UBE2D3: variants seen among roughly 807,000 people sequenced by gnomAD.
UBE2D3 encodes the protein ubiquitin conjugating enzyme E2 D3.
A neutral mutation model predicts 22.8 loss-of-function variants in UBE2D3; 2 were observed. The ratio of observed to expected loss-of-function variants is 0.09; its 90% CI spans 0.04 to 0.28. The LOEUF (loss-of-function observed/expected upper bound fraction) is 0.28, where lower values mean the gene tolerates loss of function less well. Among genes scored for constraint, UBE2D3 ranks in the 10% least tolerant of loss-of-function variants. The probability of loss-of-function intolerance (pLI) is 1.00; values close to 1 mark genes in which losing one functional copy is unlikely to be tolerated. For missense variants in UBE2D3, 27 were observed against 182.5 expected (o/e 0.15, Z 4.91); for synonymous variants, 56 against 60.4 (o/e 0.93, Z 0.34).
chr4:102,824,642 TG>T (rs1280408792), intron 2 of UBE2D3, among the ~76,000 whole-genome samples: 1 of 152,184 alleles, frequency 6.6e-6, no homozygotes, highest in African/African-American at 2.4e-5. Context: ...ATCATTTAAG[TG>T]GTGTCACAGC....
At chr4:102,830,889 A>G (rs552898162), upstream of UBE2D3, among the ~76,000 whole-genome samples, 2 of 152,310 alleles carry the variant, frequency 1.3e-5, no homozygotes, top group African/African-American at 4.8e-5. Context: ...TAAATGGGCA[A>G]TTAATCTACC....
chr4:102,828,519 T>C (rs998625536), upstream of UBE2D3, among the ~76,000 whole-genome samples: 3 of 151,942 alleles, frequency 2.0e-5, no homozygotes, highest in Non-Finnish European at 4.4e-5. Flanking sequence ...CTCAATTGAG[T>C]GGATGGGGCT....
At position 102,809,564 on chromosome 4, in the gene UBE2D3, T is replaced by C. The variant is rs541269858; in HGVS notation, c.120+108A>G. 7.9e-5 allele frequency: 93 copies of C among 1,171,722 alleles called. 2 individuals carry two copies. Among genetic ancestry groups the C allele is most frequent in the South Asian group, 6.3e-4 (42 of 67,170 alleles). 72.6% of individuals were successfully genotyped at this position (1,171,722 alleles called of 1,614,324 possible). A position where few individuals can be genotyped will look rare whatever the true frequency, so the allele number is the denominator to read the frequency against. On this transcript the variant is annotated intron_variant, in intron 4 of 7. Transcript: ENST00000453744. ...CAGTACAACTATGGAATATCCAAAATAGAATTAACTATATGATAAAATAAA... is the reference window on the plus strand; with the variant it reads ...CAGTACAACTATGGAATATCCAAAACAGAATTAACTATATGATAAAATAAA...
chr4:102,825,665 A>G, intron 2 of UBE2D3: 1 of 921,832 alleles, frequency 1.1e-6, no homozygotes, highest in Non-Finnish European at 1.5e-6. Flanking sequence ...CTATCAAACC[A>G]CATTTCAAGT....
intron 1 of UBE2D3, among the ~76,000 whole-genome samples, chr4:102,849,103 C>T (rs1415191136): frequency 1.3e-5 from 2 of 151,978 alleles, no homozygotes; most frequent in African/African-American, 4.8e-5. Context: ...CATGGTGGCT[C>T]ATGCATGTAA....
chr4:102,823,774 C>A (rs887254874), intron 2 of UBE2D3, among the ~76,000 whole-genome samples: 1 of 152,130 alleles, frequency 6.6e-6, no homozygotes, highest in African/African-American at 2.4e-5. Flanking sequence ...AAAACTTACT[C>A]CAAGAACACA....
intron 2 of UBE2D3, chr4:102,810,697 A>G (rs1471842025): frequency 6.6e-6 from 1 of 152,180 alleles, no homozygotes; most frequent in East Asian, 1.9e-4. Flanking sequence ...ACAATTCAAT[A>G]TGAACGTTTT....
chr4:102,856,069 TA>T (rs1358182053), intron 1 of UBE2D3, among the ~76,000 whole-genome samples: 1 of 152,058 alleles, frequency 6.6e-6, no homozygotes, highest in African/African-American at 2.4e-5. Context: ...AAATATGAGC[TA>T]AAATAAGGAT....
chr4:102,808,507 T>C (rs968452675), intron 4 of UBE2D3, among the ~76,000 whole-genome samples: 3 of 152,196 alleles, frequency 2.0e-5, no homozygotes, highest in South Asian at 2.1e-4. Flanking sequence ...TTTGCACCCC[T>C]GCCATGTCTT....
At chr4:102,802,871 A>G (rs1425701400) in intron 4 of UBE2D3, among the ~76,000 whole-genome samples, 1 of 152,206 alleles carries the variant, frequency 6.6e-6, no homozygotes, top group East Asian at 1.9e-4. Flanking sequence ...ATGTTTTTTT[A>G]AAAAGTTATC....
chr4:102,810,772 T>C (rs1727841600), intron 2 of UBE2D3: 1 of 152,108 alleles, frequency 6.6e-6, no homozygotes, highest in Non-Finnish European at 1.5e-5. Flanking sequence ...TTATCTACTA[T>C]GAAAATATAG....
At chr4:102,806,834 G>A (rs1276411370) in intron 4 of UBE2D3, among the ~76,000 whole-genome samples, 4 of 151,178 alleles carry the variant, frequency 2.6e-5, no homozygotes, top group South Asian at 2.1e-4. Flanking sequence ...AGTACCCCAC[G>A]CCCCCCTCCC....
chr4:102,821,869 G>C (rs1729673337), intron 2 of UBE2D3, among the ~76,000 whole-genome samples: 1 of 152,046 alleles, frequency 6.6e-6, no homozygotes, highest in Non-Finnish European at 1.5e-5. Context: ...ATAATATTCA[G>C]TAAGCTCTTC....
At chr4:102,838,435 C>T (rs1578283763) in intron 1 of UBE2D3, among the ~76,000 whole-genome samples, 2 of 152,184 alleles carry the variant, frequency 1.3e-5, no homozygotes, top group Admixed American at 6.5e-5. Context: ...GATCAGATCT[C>T]TGCCTGCTGC....
At chr4:102,824,528 T>C (rs954351573) in intron 2 of UBE2D3, among the ~76,000 whole-genome samples, 3 of 152,338 alleles carry the variant, frequency 2.0e-5, no homozygotes, top group Admixed American at 6.5e-5. Context: ...ACCCTTCTTA[T>C]AGAGGCACAT....
At chr4:102,816,540 C>T (rs1205671514) in intron 2 of UBE2D3, among the ~76,000 whole-genome samples, 1 of 152,162 alleles carries the variant, frequency 6.6e-6, no homozygotes, top group Non-Finnish European at 1.5e-5. Context: ...TAATAAATCC[C>T]TTATTTAATC....
chr4:102,821,586 C>G (rs1024903653), intron 2 of UBE2D3, among the ~76,000 whole-genome samples: 1 of 143,948 alleles, frequency 6.9e-6, no homozygotes, highest in Non-Finnish European at 1.5e-5. Flanking sequence ...TTTAGTAAGT[C>G]TAAGACCCCC....
At position 102,797,126 on chromosome 4, in the gene UBE2D3, T is replaced by TTGGC. The variant is rs1161549249; in HGVS notation, c.*285_*288dup. 3.6e-6 allele frequency: 1 copy of TTGGC among 275,306 alleles called. No homozygotes were observed. Among genetic ancestry groups the TTGGC allele is most frequent in the Non-Finnish European group, 6.9e-6 (1 of 144,914 alleles). 17.1% of individuals were successfully genotyped at this position (275,306 alleles called of 1,614,324 possible). A position where few individuals can be genotyped will look rare whatever the true frequency, so the allele number is the denominator to read the frequency against. On this transcript the variant is annotated 3_prime_UTR_variant, in exon 8 of 8. Transcript: ENST00000453744. ...TCATAACCAAGTTAGAGTGAAGACA[T>TTGGC]TGGCCACATAATACACATGCTCCAT... is the stretch of plus-strand genomic sequence containing the variant.
rs534464851 is a variant in UBE2D3, at chr4:102,858,033, G to A, written c.-129+10682C>T. On this transcript the variant is annotated intron_variant, in intron 1 of 7. Coordinates refer to the UBE2D3 transcript ENST00000338145. ...ATCAGCCATTACCAAGTTATTATTG[G>A]ATGCCTTTAATCTCTTTTGTTAGTG... is the stretch of plus-strand genomic sequence containing the variant. Among the ~76,000 whole-genome samples the A allele has an allele frequency of 3.9e-5, 6 of 152,008 alleles. No homozygotes were observed. The East Asian group carries it at 7.7e-4, about 20-fold the overall frequency.
Sources: allele counts gnomAD v4.1 joint callset (sites outside exome capture counted in the v4.1 genomes callset), GRCh38; gene constraint gnomAD v4.1.1; transcripts MANE v1.5; gene names NCBI Gene and HGNC (gene_info 2026-07-23, HGNC 2026-07-21).